RASGRP3: variants seen among roughly 807,000 people sequenced by gnomAD.
The protein encoded by RASGRP3 is ras guanyl-releasing protein 3.
RASGRP3 carries 54 observed loss-of-function variants against 82.7 expected under a neutral mutation model. That is an observed-to-expected ratio of 0.65 (90% CI 0.52 to 0.82). The LOEUF (loss-of-function observed/expected upper bound fraction) is 0.82. Among genes scored for constraint, RASGRP3 ranks in the 40% least tolerant of loss-of-function variants. The pLI, the probability that RASGRP3 is intolerant of heterozygous loss-of-function variation, is 0.00. For missense variants in RASGRP3, 861 were observed against 828.9 expected, an observed-to-expected ratio of 1.04 and a Z score of -0.48; for synonymous variants, 309 against 300.5, an observed-to-expected ratio of 1.03 and a Z score of -0.29.
chr2:33,473,331 C>T (rs4528735), upstream of RASGRP3, among the ~76,000 whole-genome samples: 14,470 of 151,716 alleles, frequency 0.095, 936 homozygotes, highest in Admixed American at 0.17. Flanking sequence ...TGCAGTGAGC[C>T]GAGATCGCGC....
At chr2:33,443,483 C>T (rs1665336981) in intron 1 of RASGRP3, among the ~76,000 whole-genome samples, 2 of 152,238 alleles carry the variant, frequency 1.3e-5, no homozygotes, top group East Asian at 3.9e-4. Context: ...TACATCACTC[C>T]AAGTCATACT....
intron 11 of RASGRP3, among the ~76,000 whole-genome samples, chr2:33,537,305 T>TACACGCAC (rs1323774093): frequency 1.7e-5 from 1 of 59,630 alleles, no homozygotes; most frequent in Non-Finnish European, 3.0e-5. Context: ...GTCTCTAAAA[T>TACACGCAC]ACACACACAC....
At chr2:33,537,566 G>A (rs1416202302) in intron 11 of RASGRP3, among the ~76,000 whole-genome samples, 1 of 151,766 alleles carries the variant, frequency 6.6e-6, no homozygotes, top group Non-Finnish European at 1.5e-5. Flanking sequence ...TCACCATGTT[G>A]GCCAGGCTGG....
intron 12 of RASGRP3, among the ~76,000 whole-genome samples, chr2:33,541,972 C>G (rs1054303833): frequency 6.1e-5 from 9 of 146,806 alleles, no homozygotes; most frequent in African/African-American, 2.2e-4. Context: ...AGTGCAGTGG[C>G]TCATGCCTAT....
intron 1 of RASGRP3, among the ~76,000 whole-genome samples, chr2:33,437,196 G>A (rs566469773): frequency 1.3e-5 from 2 of 152,136 alleles, no homozygotes; most frequent in South Asian, 4.1e-4. Flanking sequence ...TAGTAGTTAT[G>A]TAGATTTAAA....
In RASGRP3 at chr2:33,501,146, A is replaced by G. The variant is rs574746761; in HGVS notation, c.-260-10564A>G. ...GTCGCTATAGATTTGCCTATTCTAC[A>G]TATTTTCTATAAATGGAGTTGCACA... On this transcript the variant is annotated intron_variant, in intron 1 of 17. Coordinates refer to ENST00000403687, the MANE Select transcript of RASGRP3 (RefSeq NM_001139488.2). 7.4e-4 allele frequency among the ~76,000 whole-genome samples: 112 copies of G among 152,284 alleles called. 1 individual carries two copies. The highest frequency in any genetic ancestry group is 2.6e-3 in the African/African-American group (110 of 41,552).
intron 14 of RASGRP3, chr2:33,555,308 G>A (rs755446349): frequency 3.6e-5 from 14 of 393,562 alleles, no homozygotes; most frequent in African/African-American, 2.5e-4. Context: ...CCGGCTCCCA[G>A]TTGGCTCTGA....
intron 1 of RASGRP3, among the ~76,000 whole-genome samples, chr2:33,485,196 C>G (rs1668268681): frequency 6.6e-6 from 1 of 152,206 alleles, no homozygotes; most frequent in African/African-American, 2.4e-5. Context: ...GAAACTCTGT[C>G]TCAAAACAAC....
chr2:33,515,825 A>G (rs935530495), intron 3 of RASGRP3, among the ~76,000 whole-genome samples: 4 of 152,328 alleles, frequency 2.6e-5, no homozygotes. Flanking sequence ...GGGAGTAGTT[A>G]TTTATTAAAT....
upstream of RASGRP3, among the ~76,000 whole-genome samples, chr2:33,471,754 T>G (rs1667073585): frequency 6.6e-6 from 1 of 152,156 alleles, no homozygotes; most frequent in South Asian, 2.1e-4. Context: ...GATCTGTTGT[T>G]TTTTGACTTC....
chr2:33,471,523 A>G (rs1392860465), intron 2 of RASGRP3, among the ~76,000 whole-genome samples: 2 of 151,774 alleles, frequency 1.3e-5, no homozygotes, highest in Non-Finnish European at 2.9e-5. Flanking sequence ...TTACGTATGA[A>G]GTTAGTCTGT....
intron 10 of RASGRP3, among the ~76,000 whole-genome samples, chr2:33,530,481 T>C (rs1055061044): frequency 8.8e-5 from 13 of 147,222 alleles, no homozygotes; most frequent in Non-Finnish European, 1.8e-4. Flanking sequence ...GAGTGTAACA[T>C]CACCCCTGCC....
chr2:33,543,071 C>T (rs940725578), intron 12 of RASGRP3, among the ~76,000 whole-genome samples: 1 of 152,072 alleles, frequency 6.6e-6, no homozygotes, highest in African/African-American at 2.4e-5. Context: ...TACAGTGCAG[C>T]GGTGTGATCT....
At chr2:33,507,410 G>T (rs1019929160) in intron 1 of RASGRP3, among the ~76,000 whole-genome samples, 5 of 152,166 alleles carry the variant, frequency 3.3e-5, no homozygotes, top group East Asian at 1.9e-4. Flanking sequence ...GCACTGGAGA[G>T]TGTGAGTGGT....
intron 5 of RASGRP3, among the ~76,000 whole-genome samples, 170 bp from the exon 6 acceptor site, chr2:33,520,383 A>G (rs1373258402): frequency 6.6e-6 from 1 of 152,206 alleles, no homozygotes; most frequent in African/African-American, 2.4e-5. Context: ...GGGCAGAGAG[A>G]GGCTCCATGT....
At chr2:33,477,355 A>G (rs2150927534) in intron 1 of RASGRP3, among the ~76,000 whole-genome samples, 1 of 152,262 alleles carries the variant, frequency 6.6e-6, no homozygotes, top group South Asian at 2.1e-4. Context: ...TCCCCCCAAC[A>G]AGCTAATTCA....
chr2:33,452,833 G>T (rs1574233358), intron 2 of RASGRP3, among the ~76,000 whole-genome samples: 1 of 152,302 alleles, frequency 6.6e-6, no homozygotes, highest in East Asian at 1.9e-4. Flanking sequence ...TGCTATAGAG[G>T]CCTGCTTGCA....
At chr2:33,512,423 A>G (rs1671013435) in intron 2 of RASGRP3, among the ~76,000 whole-genome samples, 1 of 152,232 alleles carries the variant, frequency 6.6e-6, no homozygotes, top group Admixed American at 6.5e-5. Flanking sequence ...CTGTATACAC[A>G]TGAAGGTAAT....
chr2:33,478,389 G>T (rs969047090), intron 1 of RASGRP3, among the ~76,000 whole-genome samples: 1 of 152,108 alleles, frequency 6.6e-6, no homozygotes, highest in Non-Finnish European at 1.5e-5. Flanking sequence ...TGGGGGAGGG[G>T]GTTCCTCCTG....
Sources: gnomAD v4.1 joint callset for allele counts (sites outside exome capture counted in the v4.1 genomes callset) on GRCh38, gnomAD v4.1.1 for gene constraint, MANE v1.5 for transcripts, NCBI Gene and HGNC (gene_info 2026-07-23, HGNC 2026-07-21) for gene names.